KCNIP4: variants seen among roughly 807,000 people sequenced by gnomAD.
The protein encoded by KCNIP4 is potassium voltage-gated channel interacting protein 4.
A neutral mutation model predicts 34.0 loss-of-function variants in KCNIP4; 12 were observed. The ratio of observed to expected loss-of-function variants is 0.35; its 90% CI spans 0.23 to 0.57. The LOEUF is 0.57. KCNIP4 is among the 20% of genes least tolerant of loss of function. KCNIP4 has a pLI of 0.83. For synonymous variants in KCNIP4, 124 were observed against 102.2 expected, an observed-to-expected ratio of 1.21 and a Z score of -1.29; for missense variants, 238 against 311.7, an observed-to-expected ratio of 0.76 and a Z score of 1.78.
At chr4:21,896,517 A>C (rs780415945) in intron 1 of KCNIP4, among the ~76,000 whole-genome samples, 1 of 136,014 alleles carries the variant, frequency 7.4e-6, no homozygotes, top group Non-Finnish European at 1.6e-5. Flanking sequence ...GAAGAGGAGT[A>C]AGGACAAAGG....
chr4:21,798,047 G>C (rs894770557), intron 1 of KCNIP4, among the ~76,000 whole-genome samples: 1 of 151,730 alleles, frequency 6.6e-6, no homozygotes, highest in African/African-American at 2.4e-5. Context: ...TTACCAAAAA[G>C]CATCTTATAG....
chr4:21,519,759 G>GTATGTGTATA (rs1735327857), intron 1 of KCNIP4, among the ~76,000 whole-genome samples: 2 of 139,840 alleles, frequency 1.4e-5, no homozygotes, highest in East Asian at 2.3e-4. Context: ...GTGTGTGTAT[G>GTATGTGTATA]TATGTGTGTA....
intron 1 of KCNIP4, among the ~76,000 whole-genome samples, chr4:21,422,760 AC>A (rs1725591304): frequency 6.6e-6 from 1 of 151,840 alleles, no homozygotes; most frequent in African/African-American, 2.4e-5. Flanking sequence ...CAGAGAAGCT[AC>A]TATATTTACC....
chr4:21,044,626 C>G (rs1011375923), intron 1 of KCNIP4, among the ~76,000 whole-genome samples: 2 of 152,162 alleles, frequency 1.3e-5, no homozygotes, highest in Non-Finnish European at 2.9e-5. Flanking sequence ...CCCTGTTGAA[C>G]AGAATGCAGA....
At position 21,293,803 on chromosome 4, in the gene KCNIP4, A is replaced by G. The variant is rs186429828; in HGVS notation, c.62-411094T>C. Reference sequence around the variant, plus strand: ...TGTAAAATTGGGCATGGAAGTTAACATTTATTTAGACTAGGAATGGGAAGG... The same window carrying G: ...TGTAAAATTGGGCATGGAAGTTAACGTTTATTTAGACTAGGAATGGGAAGG... On this transcript the variant is annotated intron_variant, in intron 1 of 8. Coordinates refer to ENST00000382152, the MANE Select transcript of KCNIP4 (RefSeq NM_025221.6). Among the ~76,000 whole-genome samples, 14 of 152,328 alleles carry G rather than the reference A, an allele frequency of 9.2e-5. No homozygotes were observed. The East Asian group carries it at 2.3e-3, about 25-fold the overall frequency.
At chr4:21,169,085 C>T (rs932228469) in intron 1 of KCNIP4, among the ~76,000 whole-genome samples, 3 of 152,138 alleles carry the variant, frequency 2.0e-5, no homozygotes, top group Non-Finnish European at 4.4e-5. Context: ...AGTTGATGTA[C>T]GTGCATGTTA....
At chr4:20,916,402 A>G in intron 1 of KCNIP4, 1 of 939,814 alleles carries the variant, frequency 1.1e-6, no homozygotes, top group South Asian at 4.9e-5. Context: ...TGAGATTTTC[A>G]GTAGCTTTAT....
intron 1 of KCNIP4, among the ~76,000 whole-genome samples, chr4:21,794,042 A>G (rs1184485052): frequency 6.6e-6 from 1 of 152,170 alleles, no homozygotes; most frequent in African/African-American, 2.4e-5. Flanking sequence ...CAAACCCCGC[A>G]TGTTCTCACT....
intron 1 of KCNIP4, among the ~76,000 whole-genome samples, chr4:20,947,231 C>T (rs1032462662): frequency 1.3e-5 from 2 of 152,120 alleles, no homozygotes; most frequent in African/African-American, 4.8e-5. Context: ...TGCAGTGGTG[C>T]CATCTCGGCT....
chr4:20,891,291 T>C (rs1342179213), intron 1 of KCNIP4, among the ~76,000 whole-genome samples: 1 of 152,154 alleles, frequency 6.6e-6, no homozygotes, highest in Non-Finnish European at 1.5e-5. Context: ...AGATCTGGTG[T>C]CTTCCCATGA....
At chr4:21,379,983 G>A (rs1469601475) in intron 1 of KCNIP4, among the ~76,000 whole-genome samples, 1 of 150,260 alleles carries the variant, frequency 6.7e-6, no homozygotes, top group Admixed American at 6.7e-5. Context: ...AATTGGAGAT[G>A]ATCTACTACC....
At chr4:21,380,399 G>C (rs1560347631) in intron 1 of KCNIP4, among the ~76,000 whole-genome samples, 1 of 151,108 alleles carries the variant, frequency 6.6e-6, no homozygotes, top group Admixed American at 6.6e-5. Flanking sequence ...GTGTCTCTCT[G>C]TGTGTGGCAG....
intron 1 of KCNIP4, among the ~76,000 whole-genome samples, chr4:20,884,610 C>T (rs1725076943): frequency 6.6e-6 from 1 of 151,980 alleles, no homozygotes; most frequent in African/African-American, 2.4e-5. Flanking sequence ...TGCTCCTCCC[C>T]TTTATGCCAT....
chr4:21,730,406 A>G (rs1715502119), intron 1 of KCNIP4, among the ~76,000 whole-genome samples: 1 of 152,162 alleles, frequency 6.6e-6, no homozygotes. Flanking sequence ...AAGTCCATGT[A>G]TAGCCCAGTG....
chr4:21,353,166 A>G lies in KCNIP4; in HGVS notation c.62-470457T>C, dbSNP rs142888413. ...GGTCACCAACATCAAGACCAAAGGT[A>G]GATAAAACCACAAAGATGGGGAGAA... On this transcript the variant is annotated intron_variant, in intron 1 of 8. Coordinates refer to ENST00000382152, the MANE Select transcript of KCNIP4 (RefSeq NM_025221.6). 5.2e-3 allele frequency among the ~76,000 whole-genome samples: 787 copies of G among 152,348 alleles called. 8 individuals are homozygous for G. The highest frequency in any genetic ancestry group is 0.018 in the African/African-American group (737 of 41,584).
rs141420233 is a variant in KCNIP4 at position 21,152,895 on chromosome 4, C to T, written c.62-270186G>A. On this transcript the variant is annotated intron_variant, in intron 1 of 8. Coordinates refer to ENST00000382152, the MANE Select transcript of KCNIP4 (RefSeq NM_025221.6). ...CGAACAGTTTCCTCTCGAAACAATC[C>T]CCACCCCCCAACCCTGTCTGTGGAA... 4.2e-3 allele frequency among the ~76,000 whole-genome samples: 639 copies of T among 152,200 alleles called. 7 individuals are homozygous for T. Among genetic ancestry groups the T allele is most frequent in the African/African-American group, 0.014 (600 of 41,528 alleles).
At chr4:21,092,661 T>C (rs528267388) in intron 1 of KCNIP4, among the ~76,000 whole-genome samples, 12 of 152,182 alleles carry the variant, frequency 7.9e-5, no homozygotes, top group African/African-American at 2.4e-4. Flanking sequence ...GAGGACCAAA[T>C]GATATGTTTT....
At chr4:21,205,780 C>G (rs2108964902) in intron 1 of KCNIP4, among the ~76,000 whole-genome samples, 1 of 152,320 alleles carries the variant, frequency 6.6e-6, no homozygotes, top group South Asian at 2.1e-4. Context: ...GTGTTTGAAG[C>G]CAGGCGGTCT....
chr4:21,574,205 T>A (rs1740568617), intron 1 of KCNIP4, among the ~76,000 whole-genome samples: 1 of 152,070 alleles, frequency 6.6e-6, no homozygotes, highest in African/African-American at 2.4e-5. Flanking sequence ...AATAAAAAAA[T>A]TAATATTTGT....
Sources: allele counts gnomAD v4.1 joint callset (sites outside exome capture counted in the v4.1 genomes callset), GRCh38; gene constraint gnomAD v4.1.1; transcripts MANE v1.5; gene names NCBI Gene and HGNC (gene_info 2026-07-23, HGNC 2026-07-21).